The following SLC30A9 variants were observed in gnomAD, a reference collection of about 807,000 sequenced individuals.
SLC30A9 encodes the protein solute carrier family 30 member 9.
Under a neutral mutation model 87.5 loss-of-function variants are expected in SLC30A9, and 58 were observed. The ratio of observed to expected loss-of-function variants is 0.66; its 90% confidence interval spans 0.54 to 0.82. SLC30A9 has a LOEUF of 0.82. SLC30A9 is among the 40% of genes least tolerant of loss of function. The probability of loss-of-function intolerance (pLI) is 0.00; values close to 1 mark genes in which losing one functional copy is unlikely to be tolerated. For missense variants in SLC30A9, 557 were observed against 679.1 expected, an observed-to-expected ratio of 0.82 and a Z score of 2.00; for synonymous variants, 234 against 233.0, an observed-to-expected ratio of 1.00 and a Z score of -0.04.
intron 10 of SLC30A9, 41 bp from the exon 11 acceptor site, chr4:42,062,945 A>G (rs1425872397): frequency 1.9e-6 from 3 of 1,568,082 alleles, no homozygotes; most frequent in African/African-American, 1.4e-5. Flanking sequence ...AAAAGAAACC[A>G]TTTGTATTTC....
At chr4:42,010,437 A>G (rs1715389854) in intron 2 of SLC30A9, among the ~76,000 whole-genome samples, 2 of 152,192 alleles carry the variant, frequency 1.3e-5, no homozygotes, top group African/African-American at 4.8e-5. Context: ...TGATTGTGCC[A>G]CTACACTCCA....
At position 42,022,927 on chromosome 4, in the gene SLC30A9, C is replaced by T; in HGVS notation, c.524C>T (p.Ala175Val). 6.5e-7 allele frequency: 1 copy of T among 1,534,238 alleles called. No homozygotes were observed. Among genetic ancestry groups the T allele is most frequent in the Non-Finnish European group, 8.9e-7 (1 of 1,126,050 alleles). ...GTATACTTGAGATCAGATGTGGAAG[C>T]AAAGTAAGAACATAGTTCTTTCAGA... ...FTVYLRSDVE[A>V]KSLEVWGSPE... The change falls in exon 5 of 18, where the codon GCA (alanine) becomes GTA (valine). Residue 175 changes from alanine (A) to valine (V), a missense_variant. Coordinates refer to ENST00000264451, the MANE Select transcript of SLC30A9 (RefSeq NM_006345.4).
rs1553920103 is a variant in SLC30A9 at position 42,089,417 on chromosome 4, G to GTTTTTGTTTT, written c.*3296_*3305dup. On this transcript the variant is annotated 3_prime_UTR_variant, in exon 18 of 18. Transcript: ENST00000264451. ...GCAGTGGGAGGATGAGGGGTGGAGT[G>GTTTTTGTTTT]TTTTTGTTTTTTTTGTTTTTTTTTG... 1 of 151,882 alleles carries GTTTTTGTTTT rather than the reference G, an allele frequency of 6.6e-6. No individual in the cohort carries two copies. Among genetic ancestry groups the GTTTTTGTTTT allele is most frequent in the African/African-American group, 2.4e-5 (1 of 41,288 alleles). The allele number at this position is 151,882 out of a possible 1,614,324, so 9.4% of individuals were successfully genotyped here.
chr4:42,037,286 C>G lies in SLC30A9; in HGVS notation c.670-1700C>G, dbSNP rs1489605699. Among the ~76,000 whole-genome samples, 8 of 85,938 alleles carry G rather than the reference C, an allele frequency of 9.3e-5. No homozygotes were observed. In the East Asian group the frequency reaches 1.8e-3, roughly 20 times the overall value. The allele number at this position is 85,938 out of a possible 152,430, so 56.4% of individuals were successfully genotyped here. On this transcript the variant is annotated intron_variant, in intron 7 of 17. Coordinates refer to ENST00000264451, the MANE Select transcript of SLC30A9 (RefSeq NM_006345.4). Reference sequence around the variant, plus strand: ...TTTTTTTTTTTTTGTTATTTCTGACCCAGACACTTGTTTTTCCAATATATT... The same window carrying G: ...TTTTTTTTTTTTTGTTATTTCTGACGCAGACACTTGTTTTTCCAATATATT...
intron 1 of SLC30A9, among the ~76,000 whole-genome samples, chr4:41,994,396 G>C (rs1360349592): frequency 6.6e-6 from 1 of 151,348 alleles, no homozygotes; most frequent in East Asian, 1.9e-4. Flanking sequence ...AAAGTTCTTT[G>C]GGTTAGGATA....
intron 15 of SLC30A9, among the ~76,000 whole-genome samples, chr4:42,072,831 T>A (rs1283357179): frequency 2.4e-5 from 3 of 124,014 alleles, no homozygotes; most frequent in Admixed American, 1.7e-4. Flanking sequence ...TTTTTTTTTT[T>A]AGATGGAGTT....
At chr4:42,054,515 G>C (rs1339584055) in intron 9 of SLC30A9, among the ~76,000 whole-genome samples, 1 of 142,136 alleles carries the variant, frequency 7.0e-6, no homozygotes, top group African/African-American at 2.5e-5. Flanking sequence ...TTTTGAGACA[G>C]AGTCTCGCTC....
intron 6 of SLC30A9, among the ~76,000 whole-genome samples, chr4:42,026,378 G>T (rs963007187): frequency 6.6e-6 from 1 of 152,076 alleles, no homozygotes; most frequent in Non-Finnish European, 1.5e-5. Context: ...TTACTCTTGG[G>T]CACTTATATA....
chr4:42,065,433 G>A lies in SLC30A9; in HGVS notation c.1072+84G>A, dbSNP rs1718043339. On this transcript the variant is annotated intron_variant, in intron 12 of 17. Transcript: ENST00000264451. ...CCATTATTATAGTTTGCTAAGTTCT[G>A]TTGATTAAAGAAAAGCAAGTGTGGG... 8 of 801,324 alleles carry A rather than the reference G, an allele frequency of 1.0e-5. No individual in the cohort carries two copies. In the Admixed American group the frequency reaches 1.4e-4, roughly 14 times the overall value. The allele number at this position is 801,324 out of a possible 1,614,324, so 49.6% of individuals were successfully genotyped here. A position where few individuals can be genotyped will look rare whatever the true frequency, so the allele number is the denominator to read the frequency against.
In SLC30A9 at chr4:42,090,202, T is replaced by G. The variant is rs573435671; in HGVS notation, c.*4076T>G. ...AAAGAATCGAAGGTAAAATGTTGAT[T>G]CAAAGATTGTCTCCCCTAAATCCTT... is the stretch of plus-strand genomic sequence containing the variant. On this transcript the variant is annotated 3_prime_UTR_variant, in exon 18 of 18. Transcript: ENST00000264451. The G allele has an allele frequency of 3.9e-5, 6 of 152,376 alleles. No homozygotes were observed. The highest frequency in any genetic ancestry group is 1.4e-4 in the African/African-American group (6 of 41,596). The allele number at this position is 152,376 out of a possible 1,614,324, so 9.4% of individuals were successfully genotyped here. A position where few individuals can be genotyped will look rare whatever the true frequency, so the allele number is the denominator to read the frequency against.
At chr4:42,008,880 T>C (rs947693674) in intron 2 of SLC30A9, among the ~76,000 whole-genome samples, 1 of 152,228 alleles carries the variant, frequency 6.6e-6, no homozygotes, top group African/African-American at 2.4e-5. Context: ...CAATTTCTTC[T>C]CTTTCTTTTG....
At chr4:42,076,076 T>C (rs1718538631) in intron 16 of SLC30A9, among the ~76,000 whole-genome samples, 1 of 152,168 alleles carries the variant, frequency 6.6e-6, no homozygotes, top group African/African-American at 2.4e-5. Context: ...TTTTAACATA[T>C]ATAGAAATTG....
intron 10 of SLC30A9, 55 bp from the exon 11 acceptor site, chr4:42,062,931 T>A (rs1389406373): frequency 6.7e-7 from 1 of 1,495,726 alleles, no homozygotes; most frequent in Non-Finnish European, 9.3e-7. Flanking sequence ...AGCACATATA[T>A]TTTAAAAGAA....
chr4:42,046,667 A>G (rs1011658261), intron 8 of SLC30A9, among the ~76,000 whole-genome samples: 2 of 152,104 alleles, frequency 1.3e-5, no homozygotes, highest in Non-Finnish European at 2.9e-5. Context: ...CAAAGTAATT[A>G]ATGGAATCAA....
At chr4:42,038,064 G>A (rs553642585) in intron 7 of SLC30A9, among the ~76,000 whole-genome samples, 11 of 152,192 alleles carry the variant, frequency 7.2e-5, no homozygotes, top group African/African-American at 1.9e-4. Context: ...GAGCCACTGC[G>A]CCCGACCTGA....
intron 9 of SLC30A9, among the ~76,000 whole-genome samples, chr4:42,056,622 C>T (rs1717627324): frequency 6.6e-6 from 1 of 152,166 alleles, no homozygotes; most frequent in African/African-American, 2.4e-5. Flanking sequence ...CTTCCCGCCC[C>T]AGCCCCTCCC....
chr4:41,998,340 A>C (rs1288775238), intron 1 of SLC30A9, among the ~76,000 whole-genome samples: 4 of 152,222 alleles, frequency 2.6e-5, no homozygotes, highest in Non-Finnish European at 5.9e-5. Context: ...TAGAATAGTA[A>C]GTGCCAGAGT....
intron 17 of SLC30A9, among the ~76,000 whole-genome samples, chr4:42,084,687 G>T (rs917514742): frequency 4.6e-5 from 7 of 152,088 alleles, no homozygotes; most frequent in Admixed American, 3.9e-4. Flanking sequence ...TGGCCAGGAT[G>T]GTCTTGATCT....
At chr4:42,071,675 CAAAA>C (rs56891419) in intron 15 of SLC30A9, among the ~76,000 whole-genome samples, 40 of 125,378 alleles carry the variant, frequency 3.2e-4, no homozygotes, top group Admixed American at 3.0e-4. Context: ...AACCCTGTCT[CAAAA>C]AAAAAAAAAA....
Sources: allele counts gnomAD v4.1 joint callset (sites outside exome capture counted in the v4.1 genomes callset), GRCh38; gene constraint gnomAD v4.1.1; transcripts MANE v1.5; gene names NCBI Gene and HGNC (gene_info 2026-07-23, HGNC 2026-07-21).